The following DIP2C variants were observed in gnomAD, a reference collection of about 807,000 sequenced individuals.
DIP2C encodes the protein disco-interacting protein 2 homolog C.
In DIP2C, 33 loss-of-function variants were observed where a neutral mutation model predicts 192.4. The observed-to-expected ratio is 0.17, with a 90% CI of 0.13 to 0.23. The LOEUF is 0.23. DIP2C is among the 10% of genes least tolerant of loss of function. DIP2C has a pLI of 1.00. For missense variants in DIP2C, 1,537 were observed against 2,110.1 expected, an observed-to-expected ratio of 0.73 and a Z score of 5.32; for synonymous variants, 979 against 864.1, an observed-to-expected ratio of 1.13 and a Z score of -2.33.
chr10:328,510 T>C (rs1310933747), intron 30 of DIP2C, among the ~76,000 whole-genome samples: 1 of 152,254 alleles, frequency 6.6e-6, no homozygotes, highest in Non-Finnish European at 1.5e-5. Context: ...TGGTTATTTA[T>C]ATATGTGCCA....
intron 1 of DIP2C, among the ~76,000 whole-genome samples, chr10:559,269 G>C (rs1417458318): frequency 2.6e-5 from 4 of 152,114 alleles, no homozygotes; most frequent in Non-Finnish European, 5.9e-5. Context: ...CCCACGACGA[G>C]GGTCTAACCA....
intron 25 of DIP2C, among the ~76,000 whole-genome samples, chr10:349,055 A>C (rs1958660009): frequency 6.6e-6 from 1 of 152,246 alleles, no homozygotes; most frequent in Non-Finnish European, 1.5e-5. Flanking sequence ...GGTACTATTA[A>C]GTGAATTACC....
chr10:525,708 C>T (rs1164178527), intron 1 of DIP2C, among the ~76,000 whole-genome samples: 1 of 152,148 alleles, frequency 6.6e-6, no homozygotes, highest in Admixed American at 6.5e-5. Context: ...GAAAGGAAGA[C>T]AGGCCAGCCC....
In DIP2C at chr10:504,970, G is replaced by C. The variant is rs1329722729; in HGVS notation, c.86-18440C>G. On this transcript the variant is annotated intron_variant, in intron 1 of 36. Coordinates refer to ENST00000280886, the MANE Select transcript of DIP2C (RefSeq NM_014974.3). ...GAGCTCATGTGACTCTCAGTGCTAG[G>C]TTCGTTCATTCATTCATTCATTCAT... is the stretch of plus-strand genomic sequence containing the variant. Among the ~76,000 whole-genome samples the C allele has an allele frequency of 2.0e-5, 3 of 152,066 alleles. No individual in the cohort carries two copies. The South Asian group carries it at 6.2e-4, about 32-fold the overall frequency.
intron 1 of DIP2C, among the ~76,000 whole-genome samples, chr10:625,528 C>G (rs1253127586): frequency 6.6e-6 from 1 of 152,140 alleles, no homozygotes; most frequent in Non-Finnish European, 1.5e-5. Flanking sequence ...CCTGTGGCCT[C>G]GGTGGCCTGT....
intron 3 of DIP2C, among the ~76,000 whole-genome samples, chr10:443,656 C>G (rs1967922234): frequency 6.6e-6 from 1 of 152,196 alleles, no homozygotes; most frequent in African/African-American, 2.4e-5. Context: ...CTGCTGCAAC[C>G]CAATCCCACA....
intron 4 of DIP2C, among the ~76,000 whole-genome samples, chr10:426,825 GA>G (rs1011797870): frequency 1.3e-5 from 2 of 151,914 alleles, no homozygotes; most frequent in East Asian, 1.9e-4. Flanking sequence ...AAGCATGGGG[GA>G]AAAAATCCCC....
At chr10:389,273 A>G (rs558769688) in intron 13 of DIP2C, among the ~76,000 whole-genome samples, 61 of 152,068 alleles carry the variant, frequency 4.0e-4, no homozygotes, top group Non-Finnish European at 8.7e-4. Context: ...AGGAGGTTTC[A>G]GGGGATATCA....
intron 9 of DIP2C, among the ~76,000 whole-genome samples, chr10:405,681 C>T (rs527945527): frequency 1.4e-4 from 22 of 152,322 alleles, no homozygotes; most frequent in African/African-American, 4.3e-4. Flanking sequence ...GGCTTCCCTC[C>T]GTTCAATCCT....
chr10:323,956 C>T (rs1029015390), intron 31 of DIP2C, among the ~76,000 whole-genome samples: 1 of 152,068 alleles, frequency 6.6e-6, no homozygotes, highest in African/African-American at 2.4e-5. Flanking sequence ...TTTGCAGATT[C>T]TAGAAAATGA....
At chr10:538,459 G>A (rs577043901) in intron 1 of DIP2C, among the ~76,000 whole-genome samples, 1 of 152,288 alleles carries the variant, frequency 6.6e-6, no homozygotes, top group East Asian at 1.9e-4. Flanking sequence ...ATTGTGCCCA[G>A]TCTCCTGAAG....
intron 1 of DIP2C, among the ~76,000 whole-genome samples, chr10:502,495 C>G (rs1447902676): frequency 6.6e-6 from 1 of 152,092 alleles, no homozygotes; most frequent in African/African-American, 2.4e-5. Flanking sequence ...CTATGTTAAA[C>G]TCAAAGCCAG....
intron 1 of DIP2C, among the ~76,000 whole-genome samples, chr10:586,428 A>G (rs1851027194): frequency 6.6e-6 from 1 of 152,054 alleles, no homozygotes. Context: ...ACCTCACGCC[A>G]CCACCCCTCA....
intron 17 of DIP2C, among the ~76,000 whole-genome samples, chr10:375,801 T>C (rs1961500449): frequency 6.6e-6 from 1 of 152,216 alleles, no homozygotes; most frequent in East Asian, 1.9e-4. Context: ...AGAGCCACAC[T>C]GCACCTGCAC....
intron 23 of DIP2C, 51 bp downstream of exon 23, chr10:357,777 C>T (rs772769786): frequency 2.1e-6 from 3 of 1,412,458 alleles, no homozygotes; most frequent in Non-Finnish European, 2.0e-6. Context: ...TGGTCGGGGA[C>T]AGTCGGAAAA....
chr10:655,124 C>T (rs1348218484), intron 1 of DIP2C, among the ~76,000 whole-genome samples: 3 of 152,102 alleles, frequency 2.0e-5, no homozygotes, highest in African/African-American at 7.2e-5. Flanking sequence ...GGTGGAGCCA[C>T]CAGAAATTCG....
At chr10:542,861 C>G (rs1157902437) in intron 1 of DIP2C, among the ~76,000 whole-genome samples, 1 of 152,068 alleles carries the variant, frequency 6.6e-6, no homozygotes, top group African/African-American at 2.4e-5. Flanking sequence ...CACAGATCAT[C>G]AGATCCCAGT....
intron 1 of DIP2C, among the ~76,000 whole-genome samples, chr10:511,570 T>TA (rs1226291084): frequency 1.3e-5 from 2 of 152,168 alleles, no homozygotes. Context: ...ATTTTACCCA[T>TA]AAAGACTTAG....
Position 363,418 on chromosome 10 carries a change from A to G in DIP2C, c.2478-107T>C. 1.1e-6 allele frequency: 1 copy of G among 906,390 alleles called. No homozygotes were observed. Among genetic ancestry groups the G allele is most frequent in the Non-Finnish European group, 1.7e-6 (1 of 584,172 alleles). The allele number at this position is 906,390 out of a possible 1,614,324, so 56.1% of individuals were successfully genotyped here. On this transcript the variant is annotated intron_variant, in intron 20 of 36. Transcript: ENST00000280886. The surrounding 1 kb of genome is among the most constrained non-coding windows in gnomAD (Gnocchi z 5.4). Reference sequence around the variant, plus strand: ...ATCACTAGTGAGTGACACAGCTCCAACTACGACTTCAAAACGGCCGCTGTA... The same window carrying G: ...ATCACTAGTGAGTGACACAGCTCCAGCTACGACTTCAAAACGGCCGCTGTA...
Sources: allele counts gnomAD v4.1 joint callset (sites outside exome capture counted in the v4.1 genomes callset), GRCh38; gene constraint gnomAD v4.1.1; non-coding constraint Gnocchi (gnomAD v3.1); transcripts MANE v1.5; gene names NCBI Gene and HGNC (gene_info 2026-07-23, HGNC 2026-07-21).